Variants in TNRC6B observed in about 807,000 individuals in gnomAD.
TNRC6B encodes trinucleotide repeat containing adaptor 6B, also known as trinucleotide repeat-containing gene 6B protein.
In TNRC6B, 52 loss-of-function variants were observed where a neutral mutation model predicts 203.6. That is an observed-to-expected ratio of 0.26 (90% CI 0.20 to 0.32). TNRC6B has a LOEUF of 0.32. Among genes scored for constraint, TNRC6B ranks in the 10% least tolerant of loss-of-function variants. TNRC6B has a pLI of 1.00. For missense variants in TNRC6B, 1,923 were observed against 2,286.2 expected (o/e 0.84, Z 3.24); for synonymous variants, 838 against 845.7 (o/e 0.99, Z 0.16).
intron 1 of TNRC6B, among the ~76,000 whole-genome samples, chr22:40,243,340 G>A (rs1446877371): frequency 3.9e-5 from 6 of 152,194 alleles, no homozygotes; most frequent in African/African-American, 7.2e-5. Context: ...TCCTAAGGAA[G>A]TGAAATTTAA....
chr22:40,155,887 T>C (rs1403159459), intron 3 of TNRC6B, among the ~76,000 whole-genome samples: 1 of 152,244 alleles, frequency 6.6e-6, no homozygotes, highest in Non-Finnish European at 1.5e-5. Context: ...TTTTATATTC[T>C]AGATGCTAAT....
chr22:40,169,857 A>G (rs2068955109), intron 4 of TNRC6B, among the ~76,000 whole-genome samples: 1 of 152,188 alleles, frequency 6.6e-6, no homozygotes, highest in South Asian at 2.1e-4. Context: ...GACATATCCC[A>G]TATTAAATAT....
rs550045076 is a variant in TNRC6B, at chr22:40,064,329, A to C, written c.-121+19331A>C. Among the ~76,000 whole-genome samples, 23 of 150,572 alleles carry C rather than the reference A, an allele frequency of 1.5e-4. 2 individuals carry two copies. In the South Asian group the frequency reaches 4.0e-3, roughly 26 times the overall value. On this transcript the variant is annotated intron_variant, in intron 1 of 23. Coordinates refer to the TNRC6B transcript ENST00000301923. ...TCTTGTTTTTGGTCTCAGGGGGACC[A>C]CTATGATCTTCAGTCATTTGCCACT... is the stretch of plus-strand genomic sequence containing the variant.
At chr22:40,181,026 G>C (rs1290592364) in intron 1 of TNRC6B, among the ~76,000 whole-genome samples, 2 of 152,130 alleles carry the variant, frequency 1.3e-5, no homozygotes, top group Non-Finnish European at 1.5e-5. Context: ...ATCAGAAGTG[G>C]TATCTCAATT....
At chr22:40,251,149 C>T in intron 2 of TNRC6B, 30 bp from the exon 3 acceptor site, 1 of 1,522,398 alleles carries the variant, frequency 6.6e-7, no homozygotes, top group Non-Finnish European at 8.8e-7. Context: ...AAAAGCAAAT[C>T]TCATTTACTT....
chr22:40,072,611 C>T (rs193236115), intron 1 of TNRC6B, among the ~76,000 whole-genome samples: 525 of 152,182 alleles, frequency 3.4e-3, no homozygotes, highest in Middle Eastern at 6.8e-3. Context: ...GGCCTGTAAT[C>T]CCAGCACTTT....
chr22:40,048,863 CAG>C (rs978240398), intron 1 of TNRC6B, among the ~76,000 whole-genome samples: 2 of 151,770 alleles, frequency 1.3e-5, no homozygotes, highest in Admixed American at 1.3e-4. Flanking sequence ...GTCTTTCTGA[CAG>C]AGTTTCGCTC....
intron 1 of TNRC6B, among the ~76,000 whole-genome samples, chr22:40,215,421 G>A (rs2069622161): frequency 6.6e-6 from 1 of 152,190 alleles, no homozygotes; most frequent in African/African-American, 2.4e-5. Context: ...CAGTGCCAAC[G>A]GGGCAGGAGA....
chr22:40,234,831 T>A (rs997654101), intron 1 of TNRC6B, among the ~76,000 whole-genome samples: 3 of 152,212 alleles, frequency 2.0e-5, no homozygotes, highest in African/African-American at 7.2e-5. Context: ...ATGTGCAAAT[T>A]ACATTAGCAT....
intron 1 of TNRC6B, among the ~76,000 whole-genome samples, chr22:40,053,390 C>G (rs1274079789): frequency 6.6e-6 from 1 of 152,090 alleles, no homozygotes; most frequent in East Asian, 1.9e-4. Context: ...AGTCAAAAGT[C>G]CTGGATTCAT....
At chr22:40,133,244 AT>A (rs2068568876) in intron 3 of TNRC6B, among the ~76,000 whole-genome samples, 1 of 151,820 alleles carries the variant, frequency 6.6e-6, no homozygotes, top group South Asian at 2.1e-4. Flanking sequence ...TCTATTGTGG[AT>A]TTACTGACAC....
At chr22:40,215,162 G>A (rs2069618650) in intron 1 of TNRC6B, among the ~76,000 whole-genome samples, 1 of 151,972 alleles carries the variant, frequency 6.6e-6, no homozygotes. Flanking sequence ...CTTTTTCTTA[G>A]TGGCACATGA....
At chr22:40,297,145 A>T (rs930115046) in intron 12 of TNRC6B, among the ~76,000 whole-genome samples, 1 of 152,224 alleles carries the variant, frequency 6.6e-6, no homozygotes, top group Non-Finnish European at 1.5e-5. Context: ...AGAACAATAT[A>T]GTTGTTGTAC....
At chr22:40,315,125 C>G (rs572770978) in intron 19 of TNRC6B, among the ~76,000 whole-genome samples, 158 bp from the exon 20 acceptor site, 82 of 152,300 alleles carry the variant, frequency 5.4e-4, no homozygotes, top group Admixed American at 9.2e-4. Context: ...GCTCTAAGAA[C>G]AGTGTTATTT....
rs772835038 is a variant in TNRC6B at position 40,266,490 on chromosome 22, G to A, written c.2260G>A (p.Asp754Asn). 2.4e-5 allele frequency: 39 copies of A among 1,613,534 alleles called. 1 individual carries two copies. The South Asian group carries it at 3.0e-4, about 12-fold the overall frequency. Residue 754 changes from aspartate (D) to asparagine (N), a missense_variant, in exon 5 of 23, where the codon GAT becomes AAT. Asp to Asn is a conservative substitution (Grantham distance 23). Transcript: ENST00000454349. ...AAAGAATGGTTGGGGGGAGGAAGTC[G>A]ATCAGACAAAAAACAGCAATTGGGA... ...SGKNGWGEEV[D>N]QTKNSNWESS... is the part of the protein sequence containing the mutation.
intron 1 of TNRC6B, among the ~76,000 whole-genome samples, chr22:40,241,858 T>TA (rs2070033305): frequency 6.6e-6 from 1 of 152,268 alleles, no homozygotes; most frequent in Non-Finnish European, 1.5e-5. Flanking sequence ...ATACAATGGC[T>TA]TATAGTCTCT....
chr22:40,297,195 A>G (rs1256166517), intron 12 of TNRC6B, among the ~76,000 whole-genome samples: 1 of 152,152 alleles, frequency 6.6e-6, no homozygotes, highest in Non-Finnish European at 1.5e-5. Context: ...TCTCTTTTGG[A>G]TGAGATGGAA....
chr22:40,142,086 G>C (rs1027999783), intron 3 of TNRC6B, among the ~76,000 whole-genome samples: 1 of 151,886 alleles, frequency 6.6e-6, no homozygotes, highest in Non-Finnish European at 1.5e-5. Flanking sequence ...TGAAGCAGAA[G>C]TCTAACTCTG....
Position 40,264,999 on chromosome 22 carries a change from G to C in TNRC6B, c.769G>C (p.Gly257Arg). The C allele has an allele frequency of 6.2e-7, 1 of 1,613,944 alleles. No homozygotes were observed. The highest frequency in any genetic ancestry group is 8.5e-7 in the Non-Finnish European group (1 of 1,179,888). The change falls in exon 5 of 23, where the codon GGG (glycine) becomes CGG (arginine). Residue 257 changes from glycine (G) to arginine (R), a missense_variant. By Grantham distance (125) the Gly-to-Arg change is moderately radical (BLOSUM62 -2). Around this residue, in one of 8 missense-constraint regions of TNRC6B, gnomAD observed 614 missense variants for 587.7 expected, o/e 1.04. Transcript: ENST00000454349. ...SASSGNECNL[G>R]VWKSDPKAKS... Reference sequence around the variant, plus strand: ...AAGTTCTGGGAACGAATGTAATCTTGGGGTCTGGAAATCTGACCCTAAGGC... The same window carrying C: ...AAGTTCTGGGAACGAATGTAATCTTCGGGTCTGGAAATCTGACCCTAAGGC...
Sources: allele counts gnomAD v4.1 joint callset (sites outside exome capture counted in the v4.1 genomes callset), GRCh38; gene constraint gnomAD v4.1.1; regional missense constraint gnomAD v4.1.1; transcripts MANE v1.5; gene names NCBI Gene and HGNC (gene_info 2026-07-23, HGNC 2026-07-21).